KIF19: variants seen among roughly 807,000 people sequenced by gnomAD.
KIF19 encodes kinesin family member 19, also known as kinesin-like protein KIF19.
KIF19 carries 98 observed loss-of-function variants against 106.6 expected under a neutral mutation model. The ratio of observed to expected loss-of-function variants is 0.92; its 90% confidence interval spans 0.78 to 1.09. The LOEUF (loss-of-function observed/expected upper bound fraction) is 1.09, where lower values mean the gene tolerates loss of function less well. Ranked by LOEUF, KIF19 falls within the 50% of genes least tolerant of loss-of-function variation. The pLI, the probability that KIF19 is intolerant of heterozygous loss-of-function variation, is 0.00. For missense variants in KIF19, 1,373 were observed against 1,414.3 expected, an observed-to-expected ratio of 0.97 and a Z score of 0.47; for synonymous variants, 516 against 584.2, an observed-to-expected ratio of 0.88 and a Z score of 1.68.
Position 74,346,570 on chromosome 17 carries a change from C to G in KIF19, c.924+46C>G. 1.3e-6 allele frequency: 2 copies of G among 1,524,736 alleles called. No homozygotes were observed. Among genetic ancestry groups the G allele is most frequent in the Middle Eastern group, 1.7e-4 (1 of 5,898 alleles). The allele number at this position is 1,524,736 out of a possible 1,614,324, so 94.5% of individuals were successfully genotyped here. A position where few individuals can be genotyped will look rare whatever the true frequency, so the allele number is the denominator to read the frequency against. On this transcript the variant is annotated intron_variant, in intron 8 of 19. Coordinates refer to ENST00000389916, the MANE Select transcript of KIF19 (RefSeq NM_153209.4). The surrounding 1 kb of genome is among the most constrained non-coding windows in gnomAD (Gnocchi z 4.6). Reference sequence around the variant, plus strand: ...TGGGCACTGGGCACCAAGGGTGAGGCTGCCAGATTAAACAAATGAAAATAC... The same window carrying G: ...TGGGCACTGGGCACCAAGGGTGAGGGTGCCAGATTAAACAAATGAAAATAC...
intron 13 of KIF19, 25 bp from the exon 14 acceptor site, chr17:74,352,194 C>A: frequency 6.3e-7 from 1 of 1,599,708 alleles, no homozygotes; most frequent in Non-Finnish European, 8.5e-7. Flanking sequence ...CTGGCACTCA[C>A]TGAGCCCTGC....
intron 17 of KIF19, 96 bp downstream of exon 17, chr17:74,353,677 C>CA: frequency 1.1e-6 from 1 of 932,380 alleles, no homozygotes; most frequent in Non-Finnish European, 1.7e-6. Flanking sequence ...TCTGCACTGC[C>CA]AAGTGCAACC....
rs200946199 is a variant in KIF19, at chr17:74,354,939, C to T, written c.2864C>T (p.Thr955Met). The T allele has an allele frequency of 3.0e-4, 471 of 1,582,094 alleles. 18 individuals carry two copies. The South Asian group carries it at 3.2e-3, about 11-fold the overall frequency. The change falls in exon 19 of 20, where the codon ACG (threonine) becomes ATG (methionine). Residue 955 changes from threonine to methionine, a missense_variant and splice_region_variant. This residue lies in a region of KIF19 where 1,020 missense variants were observed against 1,008.2 expected (regional missense o/e 1.01). Transcript: ENST00000389916. ...GTCAAACTCCCTCCAAGCCAGAACACGGGTCAGTATGGGCAAGGAGGGGAT... is the reference window on the plus strand; with the variant it reads ...GTCAAACTCCCTCCAAGCCAGAACATGGGTCAGTATGGGCAAGGAGGGGAT... ...AKVKLPPSQN[T>M]GPGDSSPLAV... is the part of the protein sequence containing the mutation.
chr17:74,353,138 T>C, intron 15 of KIF19, 58 bp from the exon 16 acceptor site: 1 of 1,472,318 alleles, frequency 6.8e-7, no homozygotes, highest in South Asian at 1.2e-5. Context: ...GGGGTGGGGG[T>C]GGGACCTCGG....
Position 74,354,828 on chromosome 17 carries a change from G to A in KIF19, c.2753G>A (p.Arg918His), listed in dbSNP as rs754479431. The change falls in exon 19 of 20, where the codon CGC (arginine) becomes CAC (histidine). Residue 918 changes from arginine (R) to histidine (H), a missense_variant. This residue lies in a region of KIF19 where 1,020 missense variants were observed against 1,008.2 expected (regional missense o/e 1.01). Transcript: ENST00000389916. ...CTCCTGGGGCCCCATCAGGCGGAGC[G>A]CATCTCGGACCACAGGATGCCAGTG... ...THLLGPHQAERISDHRMPVCR... is the reference protein window; with the variant it reads ...THLLGPHQAEHISDHRMPVCR... 1.7e-4 allele frequency: 273 copies of A among 1,560,332 alleles called. No homozygotes were observed. The highest frequency in any genetic ancestry group is 2.2e-4 in the Non-Finnish European group (252 of 1,152,510).
rs1477920852 is a variant in KIF19 at position 74,352,133 on chromosome 17, C to A, written c.1854C>A (p.Ile618=). ...DEIIQGQRQI[I]DDYNLAVPQR... is the part of the protein sequence containing the mutation. Reference sequence around the variant, plus strand: ...TTATCCAGGGCCAGCGGCAGATCATCGACGGTAGGGCCCACGCCCCCGCGC... The same window carrying A: ...TTATCCAGGGCCAGCGGCAGATCATAGACGGTAGGGCCCACGCCCCCGCGC... The change falls in exon 13 of 20, where the codon ATC becomes ATA. Residue 618 remains isoleucine (I), a synonymous_variant. Coordinates refer to ENST00000389916, the MANE Select transcript of KIF19 (RefSeq NM_153209.4). 1.9e-6 allele frequency: 3 copies of A among 1,581,998 alleles called. No individual in the cohort carries two copies. Among genetic ancestry groups the A allele is most frequent in the Non-Finnish European group, 2.6e-6 (3 of 1,161,216 alleles).
intron 14 of KIF19, among the ~76,000 whole-genome samples, 157 bp from the exon 15 acceptor site, chr17:74,352,664 C>G (rs575892972): frequency 1.3e-5 from 2 of 152,304 alleles, no homozygotes; most frequent in South Asian, 4.1e-4. Context: ...TAGCAGACCA[C>G]AGCTTAACCC....
At position 74,342,873 on chromosome 17, in the gene KIF19, C is replaced by G. The variant is rs2144252806; in HGVS notation, c.320-151C>G. 11 of 1,172,092 alleles carry G rather than the reference C, an allele frequency of 9.4e-6. No homozygotes were observed. In the South Asian group the frequency reaches 1.6e-4, roughly 17 times the overall value. 72.6% of individuals were successfully genotyped at this position (1,172,092 alleles called of 1,614,324 possible). ...CCAGCCCCAGAGGCCCCAACCCGAG[C>G]CGGGGCATCATCCTCCCCACTCCCC... On this transcript the variant is annotated intron_variant, in intron 4 of 19. Coordinates refer to ENST00000389916, the MANE Select transcript of KIF19 (RefSeq NM_153209.4).
At chr17:74,347,661 C>A in intron 8 of KIF19, 116 bp from the exon 9 acceptor site, 1 of 1,223,302 alleles carries the variant, frequency 8.2e-7, no homozygotes. Context: ...CAGCCGGGTC[C>A]CTTAAGTGTA....
At position 74,354,938 on chromosome 17, in the gene KIF19, A is replaced by G; in HGVS notation, c.2863A>G (p.Thr955Ala). Residue 955 changes from threonine (T) to alanine (A), a missense_variant, in exon 19 of 20, where the codon ACG (threonine) becomes GCG (alanine). Coordinates refer to ENST00000389916, the MANE Select transcript of KIF19 (RefSeq NM_153209.4). ...AGTCAAACTCCCTCCAAGCCAGAAC[A>G]CGGGTCAGTATGGGCAAGGAGGGGA... is the stretch of plus-strand genomic sequence containing the variant. ...AKVKLPPSQN[T>A]GPGDSSPLAV... 1.3e-6 allele frequency: 2 copies of G among 1,581,828 alleles called. No homozygotes were observed. Among genetic ancestry groups the G allele is most frequent in the Non-Finnish European group, 1.7e-6 (2 of 1,164,076 alleles).
chr17:74,328,073 A>G (rs72848298), intron 1 of KIF19, among the ~76,000 whole-genome samples: 2,805 of 152,290 alleles, frequency 0.018, 42 homozygotes, highest in Admixed American at 0.027. Flanking sequence ...CCTCTGCAGC[A>G]CGTCATTCGC....
chr17:74,342,720 A>G lies in KIF19; in HGVS notation c.319+3A>G. On this transcript the variant is annotated splice_donor_region_variant and intron_variant, in intron 4 of 19. Coordinates refer to ENST00000389916, the MANE Select transcript of KIF19 (RefSeq NM_153209.4). ...TGTCTTTGCCTATGGCCCCACAGGTAAGGGGAATGCCCAGACTGTGGGCGA... is the reference window on the plus strand; with the variant it reads ...TGTCTTTGCCTATGGCCCCACAGGTGAGGGGAATGCCCAGACTGTGGGCGA... The G allele has an allele frequency of 1.2e-6, 2 of 1,612,594 alleles. No individual in the cohort carries two copies. The highest frequency in any genetic ancestry group is 1.7e-6 in the Non-Finnish European group (2 of 1,178,916).
At position 74,350,778 on chromosome 17, in the gene KIF19, A is replaced by G; in HGVS notation, c.1460A>G (p.Asp487Gly). Residue 487 changes from aspartate (D) to glycine (G), a missense_variant, in exon 12 of 20, where the codon GAC (aspartate) becomes GGC (glycine). Physicochemically the swap from Asp to Gly is moderately conservative, Grantham distance 94. Transcript: ENST00000389916. The stretch of plus-strand genomic sequence containing the variant: ...CAGCGAAAGGAGTGCTACGCTAAGG[A>G]CGACAGCGAGAAGGACTCAGACACA... ...EEQRKECYAK[D>G]DSEKDSDTGD... is the part of the protein sequence containing the mutation. The G allele has an allele frequency of 6.2e-7, 1 of 1,613,996 alleles. No individual in the cohort carries two copies. Among genetic ancestry groups the G allele is most frequent in the Non-Finnish European group, 8.5e-7 (1 of 1,179,894 alleles).
At chr17:74,344,120 C>A in intron 5 of KIF19, 103 bp from the exon 6 acceptor site, 1 of 1,144,656 alleles carries the variant, frequency 8.7e-7, no homozygotes, top group Non-Finnish European at 1.2e-6. Flanking sequence ...GAAGGGTGAA[C>A]TCTTGTCCCT....
chr17:74,343,073 CTA>C lies in KIF19; in HGVS notation c.371_372del (p.Tyr124CysfsTer17), dbSNP rs1340858956. 6.2e-7 allele frequency: 1 copy of C among 1,613,096 alleles called. No homozygotes were observed. The highest frequency in any genetic ancestry group is 8.5e-7 in the Non-Finnish European group (1 of 1,179,728). On this transcript the variant is annotated frameshift_variant, in exon 5 of 20. Coordinates refer to ENST00000389916, the MANE Select transcript of KIF19 (RefSeq NM_153209.4). LOFTEE classifies it high-confidence loss of function. ...TGGGCACAGACCAGGAGCCTGGCAT[CTA>C]TGTTCAGACCCTCAACGACCTCTTC... Reference protein sequence around the residue: ...MLGTDQEPGIYVQTLNDLFRA... With the variant: ...MLGTDQEPGIXVQTLNDLFRA...
intron 14 of KIF19, 105 bp downstream of exon 14, chr17:74,352,445 G>T: frequency 7.9e-6 from 11 of 1,395,856 alleles, no homozygotes; most frequent in Non-Finnish European, 1.0e-5. Context: ...GACCAGGCTG[G>T]CTGGCACCCC....
intron 15 of KIF19, 107 bp downstream of exon 15, chr17:74,353,061 A>C (rs2054764826): frequency 6.9e-7 from 1 of 1,450,794 alleles, no homozygotes. Flanking sequence ...GAGAGGGAGC[A>C]GGTGGCCCAG....
At chr17:74,337,169 C>T (rs370417309) in intron 2 of KIF19, among the ~76,000 whole-genome samples, 75 of 152,318 alleles carry the variant, frequency 4.9e-4, no homozygotes, top group African/African-American at 1.7e-3. Flanking sequence ...GGAAAACACA[C>T]GCCAAGCCCT....
intron 2 of KIF19, among the ~76,000 whole-genome samples, chr17:74,341,316 C>G (rs559104242): frequency 2.1e-4 from 32 of 152,100 alleles, no homozygotes; most frequent in Non-Finnish European, 3.8e-4. Flanking sequence ...GACTCCGTCT[C>G]AAAAATAAAT....
Sources: allele counts gnomAD v4.1 joint callset (sites outside exome capture counted in the v4.1 genomes callset), GRCh38; gene constraint gnomAD v4.1.1; regional missense constraint gnomAD v4.1.1; non-coding constraint Gnocchi (gnomAD v3.1); transcripts MANE v1.5; gene names NCBI Gene and HGNC (gene_info 2026-07-23, HGNC 2026-07-21).